Variants in KANSL1 observed in about 807,000 individuals in gnomAD.
KANSL1 encodes MLL1/MLL complex subunit KANSL1.
A neutral mutation model predicts 103.6 loss-of-function variants in KANSL1; 22 were observed. That is an observed-to-expected ratio of 0.21 (90% CI 0.15 to 0.30). The LOEUF is 0.30. Among genes scored for constraint, KANSL1 ranks in the 10% least tolerant of loss-of-function variants. The pLI is 1.00. For missense variants in KANSL1, 1,337 were observed against 1,399.8 expected (o/e 0.96, Z 0.72); for synonymous variants, 600 against 527.6 (o/e 1.14, Z -1.88).
chr17:46,038,442 G>A, intron 10 of KANSL1, 96 bp downstream of exon 10: 3 of 1,333,790 alleles, frequency 2.2e-6, no homozygotes, highest in South Asian at 2.8e-5. Flanking sequence ...AAATGCCCTG[G>A]GCTTTATAAC....
chr17:46,040,177 T>C lies in KANSL1; in HGVS notation c.2021-293A>G, dbSNP rs2077269944. 1.6e-5 allele frequency: 7 copies of C among 424,676 alleles called. No homozygotes were observed. In the South Asian group the frequency reaches 2.1e-4, roughly 12 times the overall value. The allele number at this position is 424,676 out of a possible 1,614,324, so 26.3% of individuals were successfully genotyped here. Reference sequence around the variant, plus strand: ...ATCCTTGTTTGTTGAATTTACTGGTTTGAAAACATCCTGTTTCTATTCTAG... The same window carrying C: ...ATCCTTGTTTGTTGAATTTACTGGTCTGAAAACATCCTGTTTCTATTCTAG... On this transcript the variant is annotated intron_variant, in intron 7 of 14. Coordinates refer to ENST00000432791, the MANE Select transcript of KANSL1 (RefSeq NM_015443.4).
chr17:46,053,652 G>T (rs951468093), intron 6 of KANSL1, among the ~76,000 whole-genome samples: 14 of 152,036 alleles, frequency 9.2e-5, no homozygotes, highest in African/African-American at 3.4e-4. Context: ...AGCCAGGATG[G>T]TCTTGATCTC....
At chr17:46,058,074 T>C (rs1201914150) in intron 6 of KANSL1, among the ~76,000 whole-genome samples, 1 of 152,124 alleles carries the variant, frequency 6.6e-6, no homozygotes, top group Non-Finnish European at 1.5e-5. Flanking sequence ...AGGAAGCAAA[T>C]TCTCACTAGA....
chr17:46,036,454 TAC>T (rs2077152129), intron 10 of KANSL1, among the ~76,000 whole-genome samples: 1 of 152,230 alleles, frequency 6.6e-6, no homozygotes, highest in African/African-American at 2.4e-5. Context: ...ACTGAAAAGG[TAC>T]AGATTTTTCT....
intron 1 of KANSL1, among the ~76,000 whole-genome samples, chr17:46,179,713 G>A (rs2046691569): frequency 1.3e-5 from 2 of 152,202 alleles, no homozygotes; most frequent in African/African-American, 4.8e-5. Flanking sequence ...CTAGTGAGAG[G>A]AAATGGCATA....
upstream of KANSL1, chr17:46,196,265 A>G: frequency 2.2e-6 from 1 of 446,408 alleles, no homozygotes; most frequent in South Asian, 1.6e-5. Context: ...AAATAAAAAC[A>G]CCAACATATT....
intron 2 of KANSL1, among the ~76,000 whole-genome samples, chr17:46,122,178 A>G (rs977786214): frequency 2.6e-5 from 4 of 152,226 alleles, no homozygotes; most frequent in Non-Finnish European, 4.4e-5. Flanking sequence ...TTCTCAACAA[A>G]TCAGTAACTG....
chr17:46,135,408 A>C (rs2044079931), intron 2 of KANSL1, among the ~76,000 whole-genome samples: 1 of 152,224 alleles, frequency 6.6e-6, no homozygotes, highest in African/African-American at 2.4e-5. Flanking sequence ...ACACAAGTCC[A>C]TGAGAAATCT....
At chr17:46,163,155 C>T (rs2045831347) in intron 2 of KANSL1, among the ~76,000 whole-genome samples, 1 of 152,236 alleles carries the variant, frequency 6.6e-6, no homozygotes, top group Non-Finnish European at 1.5e-5. Context: ...ATTAATCTCT[C>T]TCTAATCTAT....
chr17:46,099,563 G>T (rs1384576395), intron 2 of KANSL1, among the ~76,000 whole-genome samples: 1 of 152,160 alleles, frequency 6.6e-6, no homozygotes, highest in African/African-American at 2.4e-5. Flanking sequence ...ATACAATGAG[G>T]ACTTGGTTTC....
At chr17:46,050,484 G>C in intron 7 of KANSL1, 49 bp downstream of exon 7, 1 of 1,562,820 alleles carries the variant, frequency 6.4e-7, no homozygotes, top group Non-Finnish European at 8.8e-7. Flanking sequence ...TCACCTAGAA[G>C]TCTCTCAAGT....
intron 6 of KANSL1, among the ~76,000 whole-genome samples, chr17:46,060,464 C>G (rs1162246276): frequency 6.6e-6 from 1 of 152,192 alleles, no homozygotes; most frequent in Non-Finnish European, 1.5e-5. Context: ...AAAACACCGT[C>G]ATAACAGTTT....
chr17:46,198,422 TAAAAAAAAAAAAAAAA>T (rs58312564), upstream of KANSL1, among the ~76,000 whole-genome samples: 12 of 96,110 alleles, frequency 1.2e-4, no homozygotes, highest in South Asian at 3.9e-3. Context: ...CTACTTTAAT[TAAAAAAAAAAAAAAAA>T]AAAAAAAAAA....
chr17:46,062,378 T>C (rs975703127), intron 6 of KANSL1, among the ~76,000 whole-genome samples: 3 of 147,240 alleles, frequency 2.0e-5, no homozygotes, highest in African/African-American at 7.6e-5. Flanking sequence ...TTTTTTTTTT[T>C]AGATGGACTC....
At chr17:46,210,258 AG>A (rs2048111923) in intron 1 of KANSL1, among the ~76,000 whole-genome samples, 1 of 152,122 alleles carries the variant, frequency 6.6e-6, no homozygotes, top group African/African-American at 2.4e-5. Flanking sequence ...GTGGATCATG[AG>A]GTCAGGAGAT....
chr17:46,119,416 C>T (rs1485334589), intron 2 of KANSL1, among the ~76,000 whole-genome samples: 1 of 151,790 alleles, frequency 6.6e-6, no homozygotes, highest in African/African-American at 2.4e-5. Flanking sequence ...CAACTGATCT[C>T]GTACCTCAGC....
At chr17:46,113,902 C>G (rs1425151166) in intron 2 of KANSL1, among the ~76,000 whole-genome samples, 1 of 152,096 alleles carries the variant, frequency 6.6e-6, no homozygotes, top group Non-Finnish European at 1.5e-5. Context: ...CAGAAAGTGC[C>G]AAAAACCTTA....
chr17:46,125,048 GA>G (rs2043468166), intron 2 of KANSL1, among the ~76,000 whole-genome samples: 2 of 78,584 alleles, frequency 2.5e-5, no homozygotes, highest in African/African-American at 5.9e-5. Context: ...AGGGAGGGAG[GA>G]GGGAGGGAGG....
intron 2 of KANSL1, among the ~76,000 whole-genome samples, chr17:46,129,902 A>G (rs2043763957): frequency 6.6e-6 from 1 of 152,044 alleles, no homozygotes; most frequent in East Asian, 1.9e-4. Flanking sequence ...TCATCTAGGG[A>G]GGGCTGGGCA....
Sources: gnomAD v4.1 joint callset for allele counts (sites outside exome capture counted in the v4.1 genomes callset) on GRCh38, gnomAD v4.1.1 for gene constraint, MANE v1.5 for transcripts, NCBI Gene and HGNC (gene_info 2026-07-23, HGNC 2026-07-21) for gene names.